The following EYS variants were observed in gnomAD, a reference collection of about 807,000 sequenced individuals.
EYS encodes the protein protein eyes shut homolog.
In EYS, 250 loss-of-function variants were observed where a neutral mutation model predicts 282.1. That is an observed-to-expected ratio of 0.89 (90% CI 0.80 to 0.98). The LOEUF (loss-of-function observed/expected upper bound fraction) is 0.98, where lower values mean the gene tolerates loss of function less well. EYS is among the 50% of genes least tolerant of loss of function. The probability of loss-of-function intolerance (pLI) is 0.00; values close to 1 mark genes in which losing one functional copy is unlikely to be tolerated. For missense variants in EYS, 4,016 were observed against 3,709.0 expected (o/e 1.08, Z -2.15); for synonymous variants, 1,355 against 1,282.9 (o/e 1.06, Z -1.20).
chr6:64,328,346 C>T (rs1161355201), intron 29 of EYS, among the ~76,000 whole-genome samples: 3 of 152,154 alleles, frequency 2.0e-5, no homozygotes, highest in Non-Finnish European at 4.4e-5. Context: ...TAGAGGCTGA[C>T]ACAGGCTGGG....
intron 29 of EYS, among the ~76,000 whole-genome samples, chr6:64,327,815 T>C (rs1208198079): frequency 6.6e-6 from 1 of 152,148 alleles, no homozygotes; most frequent in East Asian, 1.9e-4. Flanking sequence ...TATCCATCCC[T>C]GGCAAGGCTT....
chr6:65,629,217 G>T (rs1021222622), intron 2 of EYS, among the ~76,000 whole-genome samples: 2 of 152,130 alleles, frequency 1.3e-5, no homozygotes, highest in Non-Finnish European at 1.5e-5. Context: ...TAAATCTAAA[G>T]GGAGAGTCAT....
At chr6:64,457,837 T>A (rs1245555410) in intron 26 of EYS, among the ~76,000 whole-genome samples, 1 of 151,994 alleles carries the variant, frequency 6.6e-6, no homozygotes, top group Admixed American at 6.5e-5. Flanking sequence ...GAGAATTTAC[T>A]CCATTTACAT....
rs534199643 is a variant in EYS, at chr6:65,578,763, T to C, written c.-333+61015A>G. Among the ~76,000 whole-genome samples, 9 of 152,046 alleles carry C rather than the reference T, an allele frequency of 5.9e-5. No individual in the cohort carries two copies. In the South Asian group the frequency reaches 1.9e-3, roughly 32 times the overall value. On this transcript the variant is annotated intron_variant, in intron 2 of 42. Transcript: ENST00000503581. ...TAAATTTACAAAAACAGAAAAGAAATTGGACTCATCTTTCACATATTTAAT... is the reference window on the plus strand; with the variant it reads ...TAAATTTACAAAAACAGAAAAGAAACTGGACTCATCTTTCACATATTTAAT...
rs1193588140 is a variant in EYS, at chr6:63,778,043, T to C, written c.7861A>G (p.Asn2621Asp). 1.1e-5 allele frequency: 17 copies of C among 1,551,592 alleles called. No homozygotes were observed. The highest frequency in any genetic ancestry group is 9.6e-6 in the Non-Finnish European group (11 of 1,146,964). Reference protein sequence around the residue: ...ASPCSLMKCGNGGTCIESGTS... With the variant: ...ASPCSLMKCGDGGTCIESGTS... ...CCACTCTCTATGCATGTCCCACCAT[T>C]GCCACATTTCATTAAACTGCAGGGA... The change falls in exon 40 of 43, where the codon AAT (asparagine) becomes GAT (aspartate). Residue 2621 changes from asparagine to aspartate, a missense_variant. Transcript: ENST00000503581.
intron 2 of EYS, among the ~76,000 whole-genome samples, chr6:65,590,719 C>T (rs1290982755): frequency 1.3e-5 from 2 of 151,916 alleles, no homozygotes; most frequent in South Asian, 2.1e-4. Context: ...TATGAGATCA[C>T]GTGGTATTTG....
chr6:65,153,428 C>T (rs951953763), intron 12 of EYS, among the ~76,000 whole-genome samples: 32 of 144,480 alleles, frequency 2.2e-4, no homozygotes, highest in African/African-American at 7.7e-4. Flanking sequence ...CCACTAAATG[C>T]GTGGTAATAT....
intron 30 of EYS, among the ~76,000 whole-genome samples, chr6:64,300,196 C>A (rs1210493313): frequency 6.6e-6 from 1 of 152,102 alleles, no homozygotes. Flanking sequence ...GAGGCTGGAG[C>A]CACGTGGCCA....
At chr6:65,547,594 T>TA (rs1021938322) in intron 2 of EYS, among the ~76,000 whole-genome samples, 3 of 152,154 alleles carry the variant, frequency 2.0e-5, no homozygotes, top group African/African-American at 7.2e-5. Context: ...TTGGATTTTG[T>TA]ATTATCTAAT....
At chr6:65,080,731 A>C (rs574274103) in intron 12 of EYS, among the ~76,000 whole-genome samples, 1 of 152,248 alleles carries the variant, frequency 6.6e-6, no homozygotes, top group South Asian at 2.1e-4. Context: ...AAAAAAAAAG[A>C]AATGAAAATG....
chr6:64,327,901 G>C (rs766492337), intron 29 of EYS, among the ~76,000 whole-genome samples: 6 of 152,144 alleles, frequency 3.9e-5, no homozygotes, highest in Non-Finnish European at 7.3e-5. Flanking sequence ...ACCATGCAGA[G>C]AGGAGCCAGA....
intron 31 of EYS, among the ~76,000 whole-genome samples, chr6:64,186,810 C>T (rs367868588): frequency 5.3e-5 from 8 of 152,168 alleles, no homozygotes; most frequent in Middle Eastern, 3.4e-3. Context: ...TTTAAATACG[C>T]GCACTTGTAA....
chr6:64,492,657 G>A (rs1488151895), intron 26 of EYS, among the ~76,000 whole-genome samples: 4 of 151,216 alleles, frequency 2.6e-5, no homozygotes, highest in Non-Finnish European at 5.9e-5. Context: ...GTGTGGAGAA[G>A]AACAATTAAC....
At chr6:64,401,384 C>G (rs542193991) in intron 28 of EYS, among the ~76,000 whole-genome samples, 21 of 152,030 alleles carry the variant, frequency 1.4e-4, no homozygotes, top group Admixed American at 1.2e-3. Flanking sequence ...TTGATTCCAT[C>G]AGTCATAAAA....
At chr6:65,550,157 T>TCATGGCATCTCACAC (rs1490044785) in intron 2 of EYS, among the ~76,000 whole-genome samples, 1 of 8,544 alleles carries the variant, frequency 1.2e-4, no homozygotes, top group Non-Finnish European at 1.6e-4. Flanking sequence ...TTTTTTTTTT[T>TCATGGCATCTCACAC]TTTTTTTTTT....
intron 1 of EYS, among the ~76,000 whole-genome samples, chr6:65,645,931 G>A (rs1767435616): frequency 6.6e-6 from 1 of 151,990 alleles, no homozygotes; most frequent in Non-Finnish European, 1.5e-5. Context: ...ACCTAGAGGA[G>A]ATGGTTAAAT....
chr6:65,125,221 T>C (rs2150198651), intron 12 of EYS, among the ~76,000 whole-genome samples: 1 of 152,364 alleles, frequency 6.6e-6, no homozygotes, highest in East Asian at 1.9e-4. Context: ...TTCCCTTCAT[T>C]TATTCAAGAT....
chr6:64,543,369 A>G (rs570855369), intron 26 of EYS, among the ~76,000 whole-genome samples: 14 of 152,206 alleles, frequency 9.2e-5, no homozygotes, highest in Admixed American at 3.3e-4. Flanking sequence ...TTTCTGACAG[A>G]TTTGCCTATA....
At chr6:64,509,632 G>T (rs920039037) in intron 26 of EYS, among the ~76,000 whole-genome samples, 1 of 152,026 alleles carries the variant, frequency 6.6e-6, no homozygotes, top group African/African-American at 2.4e-5. Flanking sequence ...TTTGGTGTGC[G>T]GTAATTTCCC....
Sources: gnomAD v4.1 joint callset for allele counts (sites outside exome capture counted in the v4.1 genomes callset) on GRCh38, gnomAD v4.1.1 for gene constraint, MANE v1.5 for transcripts, NCBI Gene and HGNC (gene_info 2026-07-23, HGNC 2026-07-21) for gene names.